The following PCID2 variants were observed in gnomAD, a reference collection of about 807,000 sequenced individuals.
PCID2 encodes the protein PCI domain containing 2, also known as PCI domain-containing protein 2.
A neutral mutation model predicts 61.3 loss-of-function variants in PCID2; 41 were observed. The observed-to-expected ratio is 0.67, with a 90% CI of 0.52 to 0.87. The LOEUF (loss-of-function observed/expected upper bound fraction) is 0.87, where lower values mean the gene tolerates loss of function less well. PCID2 is among the 40% of genes least tolerant of loss of function. The pLI is 0.00. For synonymous variants in PCID2, 187 were observed against 177.8 expected, an observed-to-expected ratio of 1.05 and a Z score of -0.41; for missense variants, 392 against 493.4, an observed-to-expected ratio of 0.79 and a Z score of 1.95.
At chr13:113,174,670 A>G (rs554378429), downstream of PCID2, among the ~76,000 whole-genome samples, 1 of 152,276 alleles carries the variant, frequency 6.6e-6, no homozygotes, top group South Asian at 2.1e-4. Context: ...TTTTCTGCAG[A>G]GATGGATTTT....
rs1183188291 is a variant in PCID2 at position 113,208,591 on chromosome 13, G to A, written c.36+8C>T. ...CACGCCGCCGCGCGCTCCCCGGCTA[G>A]GACCCACCTGCTGCAGGTACTGGTT... On this transcript the variant is annotated splice_region_variant and intron_variant, in intron 1 of 13. Transcript: ENST00000337344. 4 of 1,607,424 alleles carry A rather than the reference G, an allele frequency of 2.5e-6. No individual in the cohort carries two copies. The highest frequency in any genetic ancestry group is 1.1e-5 in the South Asian group (1 of 90,286).
chr13:113,169,646 G>T, the PCID2 span, among the ~76,000 whole-genome samples: 1 of 152,258 alleles, frequency 6.6e-6, no homozygotes, highest in Non-Finnish European at 1.5e-5. Context: ...TCTAGAGCTA[G>T]TTATTCTGAC....
intron 6 of PCID2, 72 bp downstream of exon 6, chr13:113,194,999 G>A (rs2038901726): frequency 9.4e-7 from 1 of 1,065,580 alleles, no homozygotes; most frequent in Admixed American, 1.7e-5. Flanking sequence ...TGGGAAGAAT[G>A]ACATGAAATT....
chr13:113,173,119 C>T (rs1162113882), downstream of PCID2, among the ~76,000 whole-genome samples: 1 of 152,158 alleles, frequency 6.6e-6, no homozygotes, highest in Admixed American at 6.5e-5. Context: ...TCTGCCGGCA[C>T]CCAGATCTTG....
downstream of PCID2, among the ~76,000 whole-genome samples, chr13:113,175,205 G>A (rs546399889): frequency 9.9e-5 from 15 of 152,222 alleles, no homozygotes; most frequent in East Asian, 1.5e-3. Context: ...TTATAGCAGC[G>A]TGAGAACGAA....
chr13:113,199,444 T>C (rs887422880), intron 2 of PCID2, among the ~76,000 whole-genome samples: 2 of 152,240 alleles, frequency 1.3e-5, no homozygotes, highest in African/African-American at 4.8e-5. Context: ...TTGTTTGGTT[T>C]TGTTTACAAA....
chr13:113,166,258 T>G, the PCID2 span: 1 of 152,248 alleles, frequency 6.6e-6, no homozygotes, highest in Admixed American at 6.5e-5. Context: ...GTGTCATTAT[T>G]TCCCCATGTA....
chr13:113,207,315 T>G (rs1218201644), intron 1 of PCID2, among the ~76,000 whole-genome samples: 1 of 152,254 alleles, frequency 6.6e-6, no homozygotes, highest in Non-Finnish European at 1.5e-5. Context: ...AAGGCTCACT[T>G]GAGTTTGTTA....
chr13:113,204,294 C>T lies in PCID2; in HGVS notation c.37-3778G>A, dbSNP rs148436409. ...TTGCCAAGGCCTCCAGAGCTCTCTG[C>T]AGAAGGAACCTATGAGTGACTGAAA... On this transcript the variant is annotated intron_variant, in intron 1 of 13. Coordinates refer to ENST00000337344, the MANE Select transcript of PCID2 (RefSeq NM_001127202.4). Among the ~76,000 whole-genome samples, 19 of 152,358 alleles carry T rather than the reference C, an allele frequency of 1.2e-4. 1 individual carries two copies. Among genetic ancestry groups the T allele is most frequent in the Middle Eastern group, 3.4e-3 (1 of 294 alleles).
intron 7 of PCID2, chr13:113,188,229 CCATGGGAGGCCTCAGTGGGAAAGTG>C (rs1224151423): frequency 6.6e-6 from 1 of 151,544 alleles, no homozygotes; most frequent in Non-Finnish European, 1.5e-5. Context: ...GAAACGGCAC[CCATGGGAGGCCTCAGTGGGAAAGTG>C]CCATGGCATA....
chr13:113,193,443 A>T (rs1219362742), intron 6 of PCID2, among the ~76,000 whole-genome samples: 1 of 152,214 alleles, frequency 6.6e-6, no homozygotes, highest in Non-Finnish European at 1.5e-5. Context: ...GTGTACTGCA[A>T]CAGAGTAAGT....
the PCID2 span, chr13:113,171,714 T>A: frequency 1.9e-6 from 3 of 1,613,274 alleles, no homozygotes; most frequent in East Asian, 2.2e-5. The surrounding 1 kb of genome is among the most constrained non-coding windows in gnomAD (Gnocchi z 5.1). Context: ...GAGTGGCCCA[T>A]CCAGTGCCCA....
chr13:113,193,315 G>A (rs1048235829), intron 6 of PCID2, among the ~76,000 whole-genome samples: 4 of 151,298 alleles, frequency 2.6e-5, no homozygotes, highest in Non-Finnish European at 4.4e-5. Context: ...TTCCTATATA[G>A]AGTCAAAGAA....
At chr13:113,170,357 G>T in the PCID2 span, 1 of 1,089,904 alleles carries the variant, frequency 9.2e-7, no homozygotes. Flanking sequence ...AGACTTTACT[G>T]CCCCTAATCC....
chr13:113,202,635 T>C (rs899585611), intron 1 of PCID2, among the ~76,000 whole-genome samples: 3 of 152,222 alleles, frequency 2.0e-5, no homozygotes, highest in African/African-American at 4.8e-5. Flanking sequence ...AGAGTATGTA[T>C]AGAATGCTGC....
At chr13:113,168,164 T>G in the PCID2 span, among the ~76,000 whole-genome samples, 1,150 of 152,380 alleles carry the variant, frequency 7.5e-3, 19 homozygotes, top group African/African-American at 0.026. Flanking sequence ...AACAGTATCC[T>G]GTAAAGAAGT....
In PCID2 at chr13:113,194,331, T is replaced by C. The variant is rs1014044087; in HGVS notation, c.363+740A>G. ...CTTGGGGCTTTTTGTCTCTGCCTGA[T>C]GGTGAAAGGCTTCAGGTTTCTAACG... On this transcript the variant is annotated intron_variant, in intron 6 of 13. Coordinates refer to ENST00000337344, the MANE Select transcript of PCID2 (RefSeq NM_001127202.4). 2.6e-5 allele frequency among the ~76,000 whole-genome samples: 4 copies of C among 152,132 alleles called. No individual in the cohort carries two copies. The South Asian group carries it at 8.3e-4, about 32-fold the overall frequency.
At chr13:113,180,344 G>C (rs990998878) in intron 10 of PCID2, 113 bp from the exon 11 acceptor site, 3 of 771,616 alleles carry the variant, frequency 3.9e-6, no homozygotes, top group Non-Finnish European at 6.7e-6. Context: ...GAGTTTCTTA[G>C]AATGTCCATG....
chr13:113,175,631 C>T (rs572714891), downstream of PCID2, among the ~76,000 whole-genome samples: 1 of 152,240 alleles, frequency 6.6e-6, no homozygotes, highest in Non-Finnish European at 1.5e-5. Flanking sequence ...CCGTGTCTGC[C>T]CCACAGGACA....
Sources: gnomAD v4.1 joint callset for allele counts (sites outside exome capture counted in the v4.1 genomes callset) on GRCh38, gnomAD v4.1.1 for gene constraint, Gnocchi (gnomAD v3.1) non-coding constraint, MANE v1.5 for transcripts, NCBI Gene and HGNC (gene_info 2026-07-23, HGNC 2026-07-21) for gene names.